CSF3R: variants seen among roughly 807,000 people sequenced by gnomAD.
CSF3R encodes the protein granulocyte colony-stimulating factor receptor.
A neutral mutation model predicts 84.4 loss-of-function variants in CSF3R; 52 were observed. The ratio of observed to expected loss-of-function variants is 0.62; its 90% CI spans 0.49 to 0.78. The LOEUF (loss-of-function observed/expected upper bound fraction) is 0.78. Among genes scored for constraint, CSF3R ranks in the 30% least tolerant of loss-of-function variants. CSF3R has a pLI of 0.00. For missense variants in CSF3R, 890 were observed against 1,055.7 expected (o/e 0.84, Z 2.17); for synonymous variants, 384 against 429.1 (o/e 0.89, Z 1.30).
intron 11 of CSF3R, 135 bp from the exon 12 acceptor site, chr1:36,469,392 G>A: frequency 2.5e-6 from 2 of 798,862 alleles, no homozygotes; most frequent in South Asian, 3.0e-5. Flanking sequence ...ATCTTCTTTA[G>A]ATCATTTGAT....
At position 36,467,325 on chromosome 1, in the gene CSF3R, C is replaced by A; in HGVS notation, c.1959-14G>T. ...GGATTCTTCCTGCTGGAGAAGGGGG[C>A]AGGTGGAGGCTGAGTCAGACACACC... On this transcript the variant is annotated splice_polypyrimidine_tract_variant and intron_variant, in intron 15 of 16. Transcript: ENST00000373106. The surrounding 1 kb of genome is among the most constrained non-coding windows in gnomAD (Gnocchi z 4.1). 6.2e-7 allele frequency: 1 copy of A among 1,613,528 alleles called. No homozygotes were observed. The highest frequency in any genetic ancestry group is 8.5e-7 in the Non-Finnish European group (1 of 1,179,472).
chr1:36,482,527 G>A (rs1206144349), intron 1 of CSF3R, among the ~76,000 whole-genome samples: 1 of 152,154 alleles, frequency 6.6e-6, no homozygotes, highest in Non-Finnish European at 1.5e-5. Flanking sequence ...GAGAGACAGA[G>A]GCATGGGGAG....
At chr1:36,475,700 A>T in intron 3 of CSF3R, 27 bp from the exon 4 acceptor site, 1 of 1,597,728 alleles carries the variant, frequency 6.3e-7, no homozygotes, top group Non-Finnish European at 8.5e-7. Context: ...TGGGCCAGGA[A>T]CGACGCCTCT....
In CSF3R at chr1:36,473,454, A is replaced by G. The variant is rs2124127651; in HGVS notation, c.654T>C (p.Cys218=). Residue 218 remains cysteine, a synonymous_variant, in exon 6 of 17, where the codon TGT becomes TGC. Transcript: ENST00000373106. ...ACCCACCAACATCCATGGGATCAAG[A>G]CACAGTTGTGGGGACATGCTGGTCC... ...ALGTSMSPQL[C]LDPMDVVKLE... 1 of 1,613,936 alleles carries G rather than the reference A, an allele frequency of 6.2e-7. No individual in the cohort carries two copies. Among genetic ancestry groups the G allele is most frequent in the Non-Finnish European group, 8.5e-7 (1 of 1,180,020 alleles).
Position 36,466,472 on chromosome 1 carries a change from G to A in CSF3R, c.2396C>T (p.Thr799Ile). The part of the protein sequence containing the change: ...NLWFQASPLG[T>I]LVTPAPSQED... Reference sequence around the variant, plus strand: ...CTGGCTTGGGGCTGGGGTTACCAGGGTCCCCAAGGGGCTGGCCTGGAACCA... The same window carrying A: ...CTGGCTTGGGGCTGGGGTTACCAGGATCCCCAAGGGGCTGGCCTGGAACCA... Residue 799 changes from threonine (T) to isoleucine (I), a missense_variant, in exon 17 of 17, where the codon ACC becomes ATC. By Grantham distance (89) the Thr-to-Ile change is moderately conservative. Coordinates refer to ENST00000373106, the MANE Select transcript of CSF3R (RefSeq NM_000760.4). This position sits in a 1 kb window ranked among gnomAD's most constrained non-coding sequence, Gnocchi z 4.6. 6.2e-7 allele frequency: 1 copy of A among 1,611,852 alleles called. No individual in the cohort carries two copies.
At chr1:36,482,487 G>A (rs1003652404) in intron 1 of CSF3R, among the ~76,000 whole-genome samples, 2 of 152,162 alleles carry the variant, frequency 1.3e-5, no homozygotes, top group Non-Finnish European at 2.9e-5. Flanking sequence ...GAGGGGTTGC[G>A]CGGCTGGAAC....
rs370778038 is a variant in CSF3R, at chr1:36,479,303, G to C, written c.64+130C>G. On this transcript the variant is annotated intron_variant, in intron 3 of 16. Transcript: ENST00000373106. ...GTGGGAGACCAGCTACCCCACATCT[G>C]TGGCTCAGACTTGAATCTTGTGGGA... 197 of 945,684 alleles carry C rather than the reference G, an allele frequency of 2.1e-4. No homozygotes were observed. The African/African-American group carries it at 2.9e-3, about 14-fold the overall frequency. 58.6% of individuals were successfully genotyped at this position (945,684 alleles called of 1,614,324 possible).
At chr1:36,468,496 T>G in intron 12 of CSF3R, 1 of 347,974 alleles carries the variant, frequency 2.9e-6, no homozygotes, top group South Asian at 6.0e-5. Context: ...CTCTGATTTC[T>G]GCCACTCACT....
chr1:36,470,367 T>G (rs899000766), intron 10 of CSF3R, among the ~76,000 whole-genome samples: 4 of 152,090 alleles, frequency 2.6e-5, no homozygotes, highest in African/African-American at 9.7e-5. Context: ...GTATTTGTAG[T>G]AGAGATGGGG....
In CSF3R at chr1:36,466,459, T is replaced by A; in HGVS notation, c.2409A>T (p.Pro803=). The A allele has an allele frequency of 6.2e-7, 1 of 1,612,630 alleles. No homozygotes were observed. The highest frequency in any genetic ancestry group is 8.5e-7 in the Non-Finnish European group (1 of 1,179,442). The change falls in exon 17 of 17, where the codon CCA becomes CCT. Residue 803 remains proline (P), a synonymous_variant. Coordinates refer to ENST00000373106, the MANE Select transcript of CSF3R (RefSeq NM_000760.4). The surrounding 1 kb of genome is among the most constrained non-coding windows in gnomAD (Gnocchi z 4.6). ...CACAGTCGTCCTCCTGGCTTGGGGC[T>A]GGGGTTACCAGGGTCCCCAAGGGGC... is the stretch of plus-strand genomic sequence containing the variant. ...QASPLGTLVT[P]APSQEDDCVF...
Position 36,479,408 on chromosome 1 carries a change from C to T in CSF3R, c.64+25G>A, listed in dbSNP as rs760389361. 6.8e-6 allele frequency: 11 copies of T among 1,612,426 alleles called. No individual in the cohort carries two copies. In the South Asian group the frequency reaches 1.2e-4, roughly 18 times the overall value. ...TCCTTGTAGCTTCCCCTCCCCACTG[C>T]ACCCTCATCCTTGGCCATACTCACT... On this transcript the variant is annotated intron_variant, in intron 3 of 16. Coordinates refer to ENST00000373106, the MANE Select transcript of CSF3R (RefSeq NM_000760.4).
chr1:36,478,232 A>G (rs1048677428), intron 3 of CSF3R, among the ~76,000 whole-genome samples: 1 of 151,976 alleles, frequency 6.6e-6, no homozygotes, highest in Non-Finnish European at 1.5e-5. Context: ...AAAACCAAAT[A>G]AAAACATGCC....
chr1:36,468,905 GGAAA>G, intron 12 of CSF3R: 1 of 504,774 alleles, frequency 2.0e-6, no homozygotes, highest in Non-Finnish European at 3.6e-6. Context: ...TTTTTGTCTG[GGAAA>G]TGGTTTGATT....
chr1:36,469,971 TCA>T (rs1367539567), intron 10 of CSF3R, 131 bp from the exon 11 acceptor site: 3 of 886,200 alleles, frequency 3.4e-6, no homozygotes, highest in Non-Finnish European at 5.4e-6. Context: ...CATCTTAGCC[TCA>T]GTTTCCTCAT....
At position 36,467,125 on chromosome 1, in the gene CSF3R, C is replaced by T. The variant is rs1650373240; in HGVS notation, c.2040+105G>A. On this transcript the variant is annotated intron_variant, in intron 16 of 16. Transcript: ENST00000373106. The surrounding 1 kb of genome is among the most constrained non-coding windows in gnomAD (Gnocchi z 4.1). Reference sequence around the variant, plus strand: ...TTCAGTCCAAAGGGACGAGATGTTGCCGGAAGTGACAGGAAGGCCTGAGTA... The same window carrying T: ...TTCAGTCCAAAGGGACGAGATGTTGTCGGAAGTGACAGGAAGGCCTGAGTA... The T allele has an allele frequency of 1.5e-6, 2 of 1,369,552 alleles. No homozygotes were observed. The highest frequency in any genetic ancestry group is 1.8e-4 in the Middle Eastern group (1 of 5,602). 84.8% of individuals were successfully genotyped at this position (1,369,552 alleles called of 1,614,324 possible).
Position 36,475,626 on chromosome 1 carries a change from G to T in CSF3R, c.112C>A (p.Leu38Met). Residue 38 changes from leucine (L) to methionine (M), a missense_variant, in exon 4 of 17, where the codon CTG becomes ATG. Coordinates refer to ENST00000373106, the MANE Select transcript of CSF3R (RefSeq NM_000760.4). ...HISVSAPIVH[L>M]GDPITASCII... ...CAGGAGGCTGTGATGGGATCCCCCA[G>T]GTGGACGATGGGGGCTGAGACACTG... The T allele has an allele frequency of 6.2e-7, 1 of 1,607,038 alleles. No homozygotes were observed. Among genetic ancestry groups the T allele is most frequent in the Non-Finnish European group, 8.5e-7 (1 of 1,174,288 alleles).
At chr1:36,473,055 A>C in intron 6 of CSF3R, 1 of 385,780 alleles carries the variant, frequency 2.6e-6, no homozygotes, top group Non-Finnish European at 4.7e-6. Flanking sequence ...CTCCTCCTTT[A>C]ATTTCTCCTT....
Position 36,472,468 on chromosome 1 carries a change from G to A in CSF3R, c.843+49C>T. The A allele has an allele frequency of 6.2e-7, 1 of 1,613,752 alleles. No individual in the cohort carries two copies. Among genetic ancestry groups the A allele is most frequent in the Non-Finnish European group, 8.5e-7 (1 of 1,179,842 alleles). ...GGCCAGCTCGAGCCCGACTTACCCTGCCCCCTGCCCCCACCACCTCAGGCT... is the reference window on the plus strand; with the variant it reads ...GGCCAGCTCGAGCCCGACTTACCCTACCCCCTGCCCCCACCACCTCAGGCT... On this transcript the variant is annotated intron_variant, in intron 7 of 16. Transcript: ENST00000373106. The surrounding 1 kb of genome is among the most constrained non-coding windows in gnomAD (Gnocchi z 5.0).
rs3918020 is a variant in CSF3R, at chr1:36,469,807, C to G, written c.1319G>C (p.Arg440Pro). The G allele has an allele frequency of 3.7e-6, 6 of 1,613,976 alleles. No individual in the cohort carries two copies. The South Asian group carries it at 6.6e-5, about 18-fold the overall frequency. Residue 440 changes from arginine (R) to proline (P), a missense_variant, in exon 11 of 17, where the codon CGA becomes CCA. Physicochemically the swap from Arg to Pro is moderately radical, Grantham distance 103. Coordinates refer to ENST00000373106, the MANE Select transcript of CSF3R (RefSeq NM_000760.4). ...GCCTACCCAGAGGCTGTGAGGGTCT[C>G]GGGCCATGGCATGGAGTCTGGTCAG... ...PALTRLHAMARDPHSLWVGWE... is the reference protein window; with the variant it reads ...PALTRLHAMAPDPHSLWVGWE...
Sources: gnomAD v4.1 joint callset for allele counts (sites outside exome capture counted in the v4.1 genomes callset) on GRCh38, gnomAD v4.1.1 for gene constraint, Gnocchi (gnomAD v3.1) non-coding constraint, MANE v1.5 for transcripts, NCBI Gene and HGNC (gene_info 2026-07-23, HGNC 2026-07-21) for gene names.